ANKS1B: variants seen among roughly 807,000 people sequenced by gnomAD.
ANKS1B encodes the protein ankyrin repeat and sterile alpha motif domain containing 1B, also known as ankyrin repeat and sterile alpha motif domain-containing protein 1B.
A neutral mutation model predicts 148.3 loss-of-function variants in ANKS1B; 36 were observed. That is an observed-to-expected ratio of 0.24 (90% CI 0.19 to 0.32). The LOEUF (loss-of-function observed/expected upper bound fraction) is 0.32, where lower values mean the gene tolerates loss of function less well. Ranked by LOEUF, ANKS1B falls within the 10% of genes least tolerant of loss-of-function variation. ANKS1B has a pLI of 1.00. For missense variants in ANKS1B, 1,157 were observed against 1,542.6 expected (o/e 0.75, Z 4.19); for synonymous variants, 542 against 560.8 (o/e 0.97, Z 0.47).
In ANKS1B at chr12:99,011,325, G is replaced by T. The variant is rs754964028; in HGVS notation, c.2778+41832C>A. Among the ~76,000 whole-genome samples, 88 of 152,288 alleles carry T rather than the reference G, an allele frequency of 5.8e-4. 1 individual carries two copies. The highest frequency in any genetic ancestry group is 2.8e-4 in the Non-Finnish European group (19 of 68,014). ...GAATGATTAAAAATTGGTTGCATAAGTAAAAGAATGTATTTGAGTTGGAAG... is the reference window on the plus strand; with the variant it reads ...GAATGATTAAAAATTGGTTGCATAATTAAAAGAATGTATTTGAGTTGGAAG... On this transcript the variant is annotated intron_variant, in intron 17 of 26. Coordinates refer to ENST00000683438, the MANE Select transcript of ANKS1B (RefSeq NM_001352186.2).
At chr12:99,635,458 A>T (rs918103174) in intron 9 of ANKS1B, among the ~76,000 whole-genome samples, 2 of 152,202 alleles carry the variant, frequency 1.3e-5, no homozygotes, top group Non-Finnish European at 2.9e-5. Flanking sequence ...CACAACATAG[A>T]TGAATCTTGA....
chr12:99,125,533 GT>G (rs1264510116), intron 15 of ANKS1B, among the ~76,000 whole-genome samples: 3 of 152,162 alleles, frequency 2.0e-5, no homozygotes, highest in Non-Finnish European at 4.4e-5. Context: ...GCATTGACAT[GT>G]TCTGGGCTGT....
At chr12:99,678,986 T>A (rs777505073) in intron 8 of ANKS1B, among the ~76,000 whole-genome samples, 1 of 152,170 alleles carries the variant, frequency 6.6e-6, no homozygotes, top group Non-Finnish European at 1.5e-5. Flanking sequence ...GTAAAAACAG[T>A]GTCTAGAACT....
chr12:99,057,155 G>T (rs895995995), intron 16 of ANKS1B, among the ~76,000 whole-genome samples: 4 of 152,130 alleles, frequency 2.6e-5, no homozygotes, highest in Non-Finnish European at 2.9e-5. Flanking sequence ...TCCCAGCAGT[G>T]CTACGTATTT....
intron 17 of ANKS1B, among the ~76,000 whole-genome samples, chr12:99,042,284 T>G (rs1184937958): frequency 6.6e-6 from 1 of 152,160 alleles, no homozygotes; most frequent in Non-Finnish European, 1.5e-5. Flanking sequence ...AAAAAAGCGC[T>G]TGCTCATTTT....
At chr12:99,481,257 T>A (rs2096405933) in intron 10 of ANKS1B, among the ~76,000 whole-genome samples, 1 of 151,784 alleles carries the variant, frequency 6.6e-6, no homozygotes. Context: ...TACCTCCCAT[T>A]TATAACTGAG....
chr12:99,777,121 T>C (rs2063732741), intron 6 of ANKS1B, among the ~76,000 whole-genome samples: 1 of 152,270 alleles, frequency 6.6e-6, no homozygotes, highest in South Asian at 2.1e-4. Flanking sequence ...TTGTAGCCTC[T>C]GTATAAAGAT....
At chr12:99,834,777 T>C (rs1162056764) in intron 1 of ANKS1B, among the ~76,000 whole-genome samples, 1 of 152,168 alleles carries the variant, frequency 6.6e-6, no homozygotes, top group East Asian at 1.9e-4. Context: ...GTTTCAGTTT[T>C]TATTGATTCC....
At chr12:99,938,684 T>C (rs2094841144) in intron 1 of ANKS1B, among the ~76,000 whole-genome samples, 1 of 152,162 alleles carries the variant, frequency 6.6e-6, no homozygotes, top group African/African-American at 2.4e-5. Context: ...CCAGACCCTT[T>C]TGTAAGATTC....
intron 9 of ANKS1B, among the ~76,000 whole-genome samples, chr12:99,538,129 T>C (rs949233703): frequency 6.6e-6 from 1 of 152,190 alleles, no homozygotes; most frequent in African/African-American, 2.4e-5. Flanking sequence ...TATATTTTTA[T>C]GACAGTGTCA....
intron 9 of ANKS1B, among the ~76,000 whole-genome samples, chr12:99,636,810 A>C (rs1183027933): frequency 6.6e-6 from 1 of 152,238 alleles, no homozygotes; most frequent in Non-Finnish European, 1.5e-5. Context: ...AAATTTTAGC[A>C]AATAAGTGAA....
chr12:99,189,518 G>C (rs2080344648), intron 14 of ANKS1B, among the ~76,000 whole-genome samples: 1 of 152,160 alleles, frequency 6.6e-6, no homozygotes, highest in Non-Finnish European at 1.5e-5. Context: ...CTTCATCCCT[G>C]GGATGCAAGG....
At chr12:99,784,540 C>T (rs183491858) in intron 4 of ANKS1B, among the ~76,000 whole-genome samples, 7 of 152,224 alleles carry the variant, frequency 4.6e-5, no homozygotes, top group African/African-American at 1.7e-4. Flanking sequence ...GGTCTCTCTG[C>T]CTGGCAGGAT....
intron 17 of ANKS1B, among the ~76,000 whole-genome samples, chr12:98,914,502 C>G (rs953616384): frequency 3.9e-5 from 6 of 152,114 alleles, no homozygotes; most frequent in Non-Finnish European, 8.8e-5. Context: ...GAGTAAAAGC[C>G]AAAGAAAGTC....
intron 1 of ANKS1B, among the ~76,000 whole-genome samples, chr12:99,859,368 A>G (rs542744153): frequency 1.3e-5 from 2 of 152,348 alleles, no homozygotes; most frequent in African/African-American, 4.8e-5. Context: ...GTGTTCCAAG[A>G]AATGACAAGT....
intron 4 of ANKS1B, among the ~76,000 whole-genome samples, chr12:99,788,709 T>G (rs751018786): frequency 6.6e-6 from 1 of 152,092 alleles, no homozygotes; most frequent in Non-Finnish European, 1.5e-5. Context: ...TTTCTGAATC[T>G]GTCCTGGACC....
At chr12:99,572,803 C>A (rs1165479484) in intron 9 of ANKS1B, among the ~76,000 whole-genome samples, 1 of 151,860 alleles carries the variant, frequency 6.6e-6, no homozygotes, top group African/African-American at 2.4e-5. Flanking sequence ...ATAATAATAG[C>A]AACTACAGAT....
intron 1 of ANKS1B, among the ~76,000 whole-genome samples, chr12:99,881,581 G>A (rs896033421): frequency 7.9e-5 from 12 of 152,166 alleles, no homozygotes; most frequent in East Asian, 1.9e-4. Context: ...ATATGAGCCC[G>A]TCCTGAGCTG....
intron 9 of ANKS1B, among the ~76,000 whole-genome samples, chr12:99,644,204 G>A (rs1160479029): frequency 6.6e-6 from 1 of 151,918 alleles, no homozygotes; most frequent in East Asian, 1.9e-4. Context: ...TAGACTATCT[G>A]CTATTATATA....
Sources: allele counts gnomAD v4.1 joint callset (sites outside exome capture counted in the v4.1 genomes callset), GRCh38; gene constraint gnomAD v4.1.1; transcripts MANE v1.5; gene names NCBI Gene and HGNC (gene_info 2026-07-23, HGNC 2026-07-21).